CREBRF: variants seen among roughly 807,000 people sequenced by gnomAD.
CREBRF encodes CREB3 regulatory factor, also known as UPF0474 protein C5orf41.
In CREBRF, 5 loss-of-function variants were observed where a neutral mutation model predicts 66.1. The ratio of observed to expected loss-of-function variants is 0.08; its 90% CI spans 0.04 to 0.16. The LOEUF is 0.16. CREBRF is among the 10% of genes least tolerant of loss of function. The probability of loss-of-function intolerance (pLI) is 1.00; values close to 1 mark genes in which losing one functional copy is unlikely to be tolerated. For missense variants in CREBRF, 531 were observed against 744.9 expected (o/e 0.71, Z 3.34); for synonymous variants, 229 against 264.4 (o/e 0.87, Z 1.30).
intron 7 of CREBRF, among the ~76,000 whole-genome samples, chr5:173,115,432 T>C (rs1758966373): frequency 6.6e-6 from 1 of 152,044 alleles, no homozygotes; most frequent in African/African-American, 2.4e-5. Flanking sequence ...AAAGTAACTT[T>C]ATTTACTTTT....
chr5:173,087,866 C>T (rs903828132), intron 3 of CREBRF, among the ~76,000 whole-genome samples: 1 of 152,068 alleles, frequency 6.6e-6, no homozygotes, highest in Non-Finnish European at 1.5e-5. Flanking sequence ...CTCTGTAGCC[C>T]AGGCTGGAGT....
At chr5:173,096,081 G>C (rs1247277515) in intron 4 of CREBRF, among the ~76,000 whole-genome samples, 1 of 151,982 alleles carries the variant, frequency 6.6e-6, no homozygotes. Flanking sequence ...CCATTCTCCT[G>C]CCTCAGCCTC....
intron 5 of CREBRF, 156 bp downstream of exon 5, chr5:173,108,974 C>A: frequency 1.6e-6 from 1 of 631,908 alleles, no homozygotes; most frequent in South Asian, 2.1e-5. Context: ...TACTCTTCGT[C>A]ACTCACAAAT....
intron 8 of CREBRF, among the ~76,000 whole-genome samples, chr5:173,124,923 T>C (rs1230996828): frequency 2.0e-4 from 30 of 147,684 alleles, no homozygotes; most frequent in African/African-American, 3.5e-4. Context: ...CTTCTTCTTT[T>C]TTTTTTTTTT....
intron 4 of CREBRF, among the ~76,000 whole-genome samples, chr5:173,103,866 T>C (rs1469315838): frequency 6.6e-6 from 1 of 152,240 alleles, no homozygotes; most frequent in East Asian, 1.9e-4. Flanking sequence ...GATGTGTGAT[T>C]GAAATTTTAG....
chr5:173,084,042 G>A (rs1278307949), intron 2 of CREBRF, among the ~76,000 whole-genome samples: 1 of 152,100 alleles, frequency 6.6e-6, no homozygotes, highest in African/African-American at 2.4e-5. Flanking sequence ...GAAAACAGAG[G>A]GGCAAGACAG....
intron 4 of CREBRF, among the ~76,000 whole-genome samples, chr5:173,104,058 G>A (rs1758691993): frequency 6.6e-6 from 1 of 152,184 alleles, no homozygotes; most frequent in Admixed American, 6.5e-5. Context: ...GGCAGGCACT[G>A]TGTATATTAG....
intron 1 of CREBRF, among the ~76,000 whole-genome samples, chr5:173,063,471 G>A (rs775424469): frequency 2.6e-5 from 4 of 151,916 alleles, no homozygotes; most frequent in African/African-American, 9.7e-5. Context: ...GGGTTCAAGC[G>A]ATTTTCCTGT....
At chr5:173,116,816 ACTG>A (rs1759000780) in intron 7 of CREBRF, among the ~76,000 whole-genome samples, 4 of 152,172 alleles carry the variant, frequency 2.6e-5, no homozygotes, top group African/African-American at 4.8e-5. Flanking sequence ...TGTTTTCCCA[ACTG>A]ACTGTGCCAT....
intron 4 of CREBRF, among the ~76,000 whole-genome samples, chr5:173,096,819 T>A (rs1758490431): frequency 6.6e-6 from 1 of 152,152 alleles, no homozygotes; most frequent in African/African-American, 2.4e-5. Context: ...TCTTGAAGCA[T>A]GTTGAATGTT....
intron 2 of CREBRF, chr5:173,085,477 C>T (rs1201384193): frequency 3.2e-5 from 19 of 601,302 alleles, no homozygotes; most frequent in South Asian, 2.1e-4. Flanking sequence ...AGTGCAATGG[C>T]GAGATCTCAG....
intron 1 of CREBRF, among the ~76,000 whole-genome samples, chr5:173,058,946 C>G (rs979318572): frequency 6.6e-6 from 1 of 151,474 alleles, no homozygotes; most frequent in Admixed American, 6.6e-5. Flanking sequence ...CAGGCGCGTG[C>G]CACCATGCCT....
rs1759648833 is a variant in CREBRF, at chr5:173,138,934, T to G, written c.*5189T>G. Reference sequence around the variant, plus strand: ...ATTCAAAGCATTTGTTCATACAATGTGGCAACCTCTTTTGCATAGTTGCGT... The same window carrying G: ...ATTCAAAGCATTTGTTCATACAATGGGGCAACCTCTTTTGCATAGTTGCGT... On this transcript the variant is annotated 3_prime_UTR_variant, in exon 9 of 9. Transcript: ENST00000296953. 6.6e-6 allele frequency: 1 copy of G among 151,950 alleles called. No individual in the cohort carries two copies. The highest frequency in any genetic ancestry group is 1.5e-5 in the Non-Finnish European group (1 of 68,014). The allele number at this position is 151,950 out of a possible 1,614,324, so 9.4% of individuals were successfully genotyped here. A position where few individuals can be genotyped will look rare whatever the true frequency, so the allele number is the denominator to read the frequency against.
chr5:173,058,770 C>T (rs953121322), intron 1 of CREBRF, among the ~76,000 whole-genome samples: 40 of 142,926 alleles, frequency 2.8e-4, no homozygotes, highest in Admixed American at 2.1e-3. Flanking sequence ...CAGGCGTGAG[C>T]CACCGCGCCC....
At chr5:173,122,994 A>G in intron 7 of CREBRF, 86 bp from the exon 8 acceptor site, 1 of 1,316,964 alleles carries the variant, frequency 7.6e-7, no homozygotes, top group Non-Finnish European at 1.0e-6. Flanking sequence ...AATCCAGTCC[A>G]TTTCTTAATT....
chr5:173,115,100 T>C (rs1758956603), intron 7 of CREBRF, among the ~76,000 whole-genome samples: 1 of 151,846 alleles, frequency 6.6e-6, no homozygotes, highest in African/African-American at 2.4e-5. Context: ...TCTTTTTCTT[T>C]TCTTTTTCTT....
At chr5:173,132,765 A>G (rs1031677002) in intron 8 of CREBRF, among the ~76,000 whole-genome samples, 9 of 147,870 alleles carry the variant, frequency 6.1e-5, no homozygotes, top group African/African-American at 2.2e-4. Context: ...ACACCTGGGT[A>G]ATTTTGTGTT....
chr5:173,062,313 A>C lies in CREBRF; in HGVS notation c.-192+5834A>C, dbSNP rs571544357. On this transcript the variant is annotated intron_variant, in intron 1 of 8. Coordinates refer to ENST00000296953, the MANE Select transcript of CREBRF (RefSeq NM_153607.3). ...TTCACTGCCTCACACTGTGCCTGAT[A>C]CCTTTTAGTGCTCTTGAACTGTTTA... is the stretch of plus-strand genomic sequence containing the variant. Among the ~76,000 whole-genome samples the C allele has an allele frequency of 9.9e-5, 15 of 152,230 alleles. No homozygotes were observed. The South Asian group carries it at 1.7e-3, about 17-fold the overall frequency.
chr5:173,087,008 G>A (rs1003872948), intron 3 of CREBRF, among the ~76,000 whole-genome samples: 3 of 149,842 alleles, frequency 2.0e-5, no homozygotes, highest in Admixed American at 6.7e-5. Flanking sequence ...GTGCAGTGGT[G>A]CGATCTCGGC....
Sources: gnomAD v4.1 joint callset for allele counts (sites outside exome capture counted in the v4.1 genomes callset) on GRCh38, gnomAD v4.1.1 for gene constraint, MANE v1.5 for transcripts, NCBI Gene and HGNC (gene_info 2026-07-23, HGNC 2026-07-21) for gene names.